The following CACNA2D3 variants were observed in gnomAD, a reference collection of about 807,000 sequenced individuals.
CACNA2D3 encodes voltage-dependent calcium channel subunit alpha-2/delta-3.
CACNA2D3 carries 60 observed loss-of-function variants against 160.6 expected under a neutral mutation model. That is an observed-to-expected ratio of 0.37 (90% CI 0.30 to 0.46). The LOEUF is 0.46. CACNA2D3 is among the 20% of genes least tolerant of loss of function. The pLI, the probability that CACNA2D3 is intolerant of heterozygous loss-of-function variation, is 1.00. For synonymous variants in CACNA2D3, 558 were observed against 492.9 expected (o/e 1.13, Z -1.75); for missense variants, 1,205 against 1,365.0 (o/e 0.88, Z 1.85).
chr3:54,319,199 C>CACAT (rs1291286123), intron 2 of CACNA2D3, among the ~76,000 whole-genome samples: 2,259 of 149,236 alleles, frequency 0.015, 32 homozygotes, highest in Middle Eastern at 0.021. Flanking sequence ...CACACACACA[C>CACAT]ACCCTTCCTC....
chr3:54,686,149 T>C (rs1462913818), intron 11 of CACNA2D3, among the ~76,000 whole-genome samples: 1 of 152,242 alleles, frequency 6.6e-6, no homozygotes, highest in African/African-American at 2.4e-5. Context: ...GTGGGCCAAG[T>C]CTGGCCTGCT....
At chr3:54,343,058 G>A (rs1698390013) in intron 3 of CACNA2D3, among the ~76,000 whole-genome samples, 1 of 152,238 alleles carries the variant, frequency 6.6e-6, no homozygotes, top group South Asian at 2.1e-4. Context: ...GCTGCCCAAA[G>A]TGACCTTTCT....
chr3:54,516,986 G>A (rs1018796061), intron 5 of CACNA2D3, among the ~76,000 whole-genome samples: 1 of 152,212 alleles, frequency 6.6e-6, no homozygotes, highest in African/African-American at 2.4e-5. Context: ...TCCCCCTGCA[G>A]GAGTGGGAGC....
chr3:54,162,008 G>A (rs1482638804), intron 2 of CACNA2D3, among the ~76,000 whole-genome samples: 1 of 152,278 alleles, frequency 6.6e-6, no homozygotes, highest in African/African-American at 2.4e-5. Context: ...GGAGGGGCTC[G>A]GGTCATGGGC....
At chr3:54,739,431 A>C (rs1701598385) in intron 11 of CACNA2D3, among the ~76,000 whole-genome samples, 1 of 149,734 alleles carries the variant, frequency 6.7e-6, no homozygotes, top group African/African-American at 2.5e-5. Flanking sequence ...GTCTCAAAAA[A>C]AAAAAAAAAA....
At chr3:54,607,266 A>T (rs1199814462) in intron 9 of CACNA2D3, among the ~76,000 whole-genome samples, 1 of 152,168 alleles carries the variant, frequency 6.6e-6, no homozygotes, top group East Asian at 1.9e-4. Context: ...CCCTGAGGTC[A>T]TGCGGCACTA....
chr3:54,911,538 C>G (rs1259494772), intron 27 of CACNA2D3, among the ~76,000 whole-genome samples: 2 of 151,666 alleles, frequency 1.3e-5, no homozygotes, highest in African/African-American at 2.4e-5. Flanking sequence ...TCCTTTTCCT[C>G]CTACCTACAA....
chr3:54,551,389 A>C (rs7627415), intron 5 of CACNA2D3, among the ~76,000 whole-genome samples: 26,728 of 152,214 alleles, frequency 0.18, 2,528 homozygotes, highest in East Asian at 0.26. Context: ...ATAAATGCAT[A>C]CTATATCCAG....
intron 35 of CACNA2D3, among the ~76,000 whole-genome samples, chr3:55,023,005 G>A (rs56996072): frequency 0.45 from 67,866 of 151,598 alleles, 17,149 homozygotes; most frequent in African/African-American, 0.7. Flanking sequence ...TTTAAAAAAA[G>A]CATTGCTTTT....
chr3:55,014,364 A>C (rs358027), intron 34 of CACNA2D3, among the ~76,000 whole-genome samples: 1 of 152,192 alleles, frequency 6.6e-6, no homozygotes, highest in African/African-American at 2.4e-5. Context: ...GAATCAGCCA[A>C]ACTGAGCTCA....
chr3:54,602,611 A>G (rs1703084673), intron 9 of CACNA2D3, among the ~76,000 whole-genome samples: 1 of 152,046 alleles, frequency 6.6e-6, no homozygotes, highest in Non-Finnish European at 1.5e-5. Context: ...TATACAGGTC[A>G]CACACCCATG....
At position 54,177,577 on chromosome 3, in the gene CACNA2D3, A is replaced by C. The variant is rs115048414; in HGVS notation, c.204+53983A>C. 2.0e-3 allele frequency among the ~76,000 whole-genome samples: 304 copies of C among 152,286 alleles called. 1 individual carries two copies. Among genetic ancestry groups the C allele is most frequent in the Non-Finnish European group, 3.4e-3 (232 of 68,024 alleles). On this transcript the variant is annotated intron_variant, in intron 2 of 37. Transcript: ENST00000474759. The stretch of plus-strand genomic sequence containing the variant: ...CCCACACTTGCATCCTGCAGTTACA[A>C]AGCTTCCTTACGAGTTTCATTTTTA...
chr3:54,581,794 C>T lies in CACNA2D3; in HGVS notation c.889-9C>T. On this transcript the variant is annotated splice_polypyrimidine_tract_variant and intron_variant, in intron 8 of 37. Transcript: ENST00000474759. ...TTAAGTGTTCCTTCTTGACTTTTTT[C>T]CTTTGCAGTATAATGAGGAGCTTCA... 6.8e-6 allele frequency: 11 copies of T among 1,609,698 alleles called. No individual in the cohort carries two copies. Among genetic ancestry groups the T allele is most frequent in the Admixed American group, 3.4e-5 (2 of 59,472 alleles).
chr3:54,326,791 T>C (rs1428554231), intron 3 of CACNA2D3, among the ~76,000 whole-genome samples: 1 of 152,226 alleles, frequency 6.6e-6, no homozygotes, highest in Non-Finnish European at 1.5e-5. Flanking sequence ...TCTGTCTTGT[T>C]TTCATTTCTG....
chr3:54,871,511 C>G, intron 17 of CACNA2D3, 28 bp from the exon 18 acceptor site: 1 of 1,575,354 alleles, frequency 6.3e-7, no homozygotes, highest in East Asian at 2.2e-5. Context: ...TTTTGTTTTT[C>G]TTTTCTTTTT....
intron 13 of CACNA2D3, among the ~76,000 whole-genome samples, chr3:54,793,014 G>T (rs922471403): frequency 6.6e-6 from 1 of 152,186 alleles, no homozygotes; most frequent in Admixed American, 6.5e-5. Context: ...AGCAAAACCT[G>T]TTACTTTTCT....
intron 2 of CACNA2D3, among the ~76,000 whole-genome samples, chr3:54,306,594 C>G (rs1054114722): frequency 2.0e-5 from 3 of 152,204 alleles, no homozygotes; most frequent in South Asian, 2.1e-4. Context: ...GACCATGGCT[C>G]TGCTTCAGCT....
intron 35 of CACNA2D3, among the ~76,000 whole-genome samples, chr3:55,025,941 C>CT (rs113651713): frequency 3.6e-3 from 518 of 145,190 alleles, no homozygotes; most frequent in South Asian, 7.3e-3. Context: ...TGGGTTTTTT[C>CT]TTTTTTTTTT....
chr3:54,922,240 A>G (rs889340789), intron 27 of CACNA2D3, among the ~76,000 whole-genome samples: 13 of 152,038 alleles, frequency 8.6e-5, no homozygotes, highest in Admixed American at 5.2e-4. Flanking sequence ...AATTTTCCCA[A>G]AGACCACCAG....
Sources: allele counts gnomAD v4.1 joint callset (sites outside exome capture counted in the v4.1 genomes callset), GRCh38; gene constraint gnomAD v4.1.1; transcripts MANE v1.5; gene names NCBI Gene and HGNC (gene_info 2026-07-23, HGNC 2026-07-21).